RBM33: variants seen among roughly 807,000 people sequenced by gnomAD.
The protein encoded by RBM33 is RNA-binding protein 33.
Under a neutral mutation model 132.6 loss-of-function variants are expected in RBM33, and 28 were observed. The ratio of observed to expected loss-of-function variants is 0.21; its 90% confidence interval spans 0.16 to 0.29. The LOEUF (loss-of-function observed/expected upper bound fraction) is 0.29, where lower values mean the gene tolerates loss of function less well. Ranked by LOEUF, RBM33 falls within the 10% of genes least tolerant of loss-of-function variation. RBM33 has a pLI of 1.00. For synonymous variants in RBM33, 634 were observed against 593.0 expected (o/e 1.07, Z -1.01); for missense variants, 1,291 against 1,518.5 (o/e 0.85, Z 2.49).
chr7:155,720,308 G>A (rs1220760435), intron 9 of RBM33, among the ~76,000 whole-genome samples: 1 of 152,058 alleles, frequency 6.6e-6, no homozygotes, highest in Non-Finnish European at 1.5e-5. Flanking sequence ...GTGAACTTGG[G>A]GTATAGCGCG....
intron 14 of RBM33, among the ~76,000 whole-genome samples, chr7:155,750,945 T>G (rs1801670371): frequency 6.6e-6 from 1 of 152,170 alleles, no homozygotes; most frequent in Non-Finnish European, 1.5e-5. Context: ...TGTGATGCTC[T>G]TGTATTTTAT....
At position 155,738,155 on chromosome 7, in the gene RBM33, C is replaced by G; in HGVS notation, c.1489C>G (p.Pro497Ala). The change falls in exon 11 of 18, where the codon CCT (proline) becomes GCT (alanine). Residue 497 changes from proline (P) to alanine (A), a missense_variant. By Grantham distance (27) the Pro-to-Ala change is conservative (BLOSUM62 -1). This residue lies in a region of RBM33 where 841 missense variants were observed against 912.0 expected (regional missense o/e 0.92). Coordinates refer to ENST00000401878, the MANE Select transcript of RBM33 (RefSeq NM_053043.3). ...PPPTLLNSSH[P>A]VPTQSPLPFT... is the part of the protein sequence containing the mutation. ...TCCTACCCTTCTTAACAGTAGCCAT[C>G]CTGTTCCTACTCAGAGTCCTCTACC... 1.2e-6 allele frequency: 2 copies of G among 1,613,968 alleles called. No individual in the cohort carries two copies. The highest frequency in any genetic ancestry group is 1.7e-6 in the Non-Finnish European group (2 of 1,179,846).
At chr7:155,716,539 C>G (rs1459318730) in intron 8 of RBM33, among the ~76,000 whole-genome samples, 1 of 151,998 alleles carries the variant, frequency 6.6e-6, no homozygotes, top group African/African-American at 2.4e-5. Context: ...TTCCAAGTTT[C>G]TAAGTGGTAC....
At chr7:155,761,122 G>T (rs1181552712) in intron 14 of RBM33, among the ~76,000 whole-genome samples, 1 of 152,196 alleles carries the variant, frequency 6.6e-6, no homozygotes, top group East Asian at 1.9e-4. Flanking sequence ...TGGTTAACCG[G>T]GGGGGTGTTA....
chr7:155,671,488 C>G (rs1798941207), intron 2 of RBM33, among the ~76,000 whole-genome samples: 1 of 152,122 alleles, frequency 6.6e-6, no homozygotes, highest in Non-Finnish European at 1.5e-5. Flanking sequence ...AATGATTTGT[C>G]AGGTTGTTTT....
chr7:155,678,616 G>T lies in RBM33; in HGVS notation c.180G>T (p.Ser60=). 6.4e-7 allele frequency: 1 copy of T among 1,557,432 alleles called. No individual in the cohort carries two copies. Among genetic ancestry groups the T allele is most frequent in the African/African-American group, 1.4e-5 (1 of 73,424 alleles). ...EDLLSGKKNQ[S]DLSDEELNDD... is the part of the protein sequence containing the mutation. ...TTTCTTATTTTAATTAGAATCAGTC[G>T]GATTTGTCAGATGAAGAGCTAAATG... Residue 60 remains serine, a synonymous_variant, in exon 4 of 18, where the codon TCG becomes TCT. Coordinates refer to ENST00000401878, the MANE Select transcript of RBM33 (RefSeq NM_053043.3).
At chr7:155,729,784 C>G (rs1489753767) in intron 9 of RBM33, among the ~76,000 whole-genome samples, 1 of 151,540 alleles carries the variant, frequency 6.6e-6, no homozygotes, top group African/African-American at 2.4e-5. Context: ...TGTAAGAACT[C>G]AGTTCTGTTA....
chr7:155,651,444 C>T (rs1007551374), intron 1 of RBM33, among the ~76,000 whole-genome samples: 6 of 151,950 alleles, frequency 3.9e-5, no homozygotes, highest in Admixed American at 1.3e-4. Context: ...AACATTTTCT[C>T]CTCTTTGTTT....
rs1215336312 is a variant in RBM33, at chr7:155,774,195, A to G, written c.3376-364A>G. 8.5e-5 allele frequency among the ~76,000 whole-genome samples: 13 copies of G among 152,266 alleles called. No individual in the cohort carries two copies. The highest frequency in any genetic ancestry group is 3.3e-4 in the Admixed American group (5 of 15,296). On this transcript the variant is annotated intron_variant, in intron 16 of 17. Transcript: ENST00000401878. The surrounding 1 kb of genome is among the most constrained non-coding windows in gnomAD (Gnocchi z 4.2). The stretch of plus-strand genomic sequence containing the variant: ...TCTTAAAAAATTCATGGGGGTCCCT[A>G]TTAAAAATCACCTGATAAGAAGGCG...
At chr7:155,728,360 C>T (rs893946600) in intron 9 of RBM33, among the ~76,000 whole-genome samples, 8 of 152,138 alleles carry the variant, frequency 5.3e-5, no homozygotes, top group African/African-American at 1.9e-4. Flanking sequence ...TACCTCCCTC[C>T]TCACTGCCCT....
Position 155,738,158 on chromosome 7 carries a change from G to T in RBM33, c.1492G>T (p.Val498Phe). The T allele has an allele frequency of 6.2e-7, 1 of 1,613,946 alleles. No homozygotes were observed. The highest frequency in any genetic ancestry group is 8.5e-7 in the Non-Finnish European group (1 of 1,179,884). Residue 498 changes from valine to phenylalanine, a missense_variant, in exon 11 of 18, where the codon GTT becomes TTT. Around this residue, in one of 7 missense-constraint regions of RBM33, gnomAD observed 841 missense variants for 912.0 expected, o/e 0.92. Transcript: ENST00000401878. ...PPTLLNSSHP[V>F]PTQSPLPFTQ... ...TACCCTTCTTAACAGTAGCCATCCT[G>T]TTCCTACTCAGAGTCCTCTACCATT...
intron 1 of RBM33, among the ~76,000 whole-genome samples, chr7:155,645,446 C>A (rs1159716006): frequency 2.0e-5 from 3 of 152,234 alleles, no homozygotes; most frequent in African/African-American, 7.2e-5. Context: ...TTGAGAAAGT[C>A]TCAATAAATC....
intron 16 of RBM33, among the ~76,000 whole-genome samples, chr7:155,768,568 A>T (rs1802299180): frequency 1.3e-5 from 2 of 152,188 alleles, no homozygotes; most frequent in Non-Finnish European, 2.9e-5. Context: ...ACCTATATTC[A>T]TTCCTTTGGG....
intron 14 of RBM33, among the ~76,000 whole-genome samples, chr7:155,761,678 G>A (rs977932535): frequency 6.6e-6 from 1 of 151,848 alleles, no homozygotes; most frequent in Non-Finnish European, 1.5e-5. Flanking sequence ...TTTTTTCTTG[G>A]TCAGTATCCT....
At chr7:155,666,455 A>G (rs1291751569) in intron 2 of RBM33, among the ~76,000 whole-genome samples, 2 of 152,210 alleles carry the variant, frequency 1.3e-5, no homozygotes, top group East Asian at 3.9e-4. Context: ...CACAGAAATA[A>G]TATTTTGTTA....
At chr7:155,765,488 G>T (rs766671493) in intron 15 of RBM33, among the ~76,000 whole-genome samples, 1 of 152,070 alleles carries the variant, frequency 6.6e-6, no homozygotes, top group East Asian at 1.9e-4. Flanking sequence ...TTTTGTGTGC[G>T]TGCACACTCA....
chr7:155,693,893 C>G lies in RBM33; in HGVS notation c.568-6880C>G, dbSNP rs909134682. On this transcript the variant is annotated intron_variant, in intron 5 of 17. Coordinates refer to ENST00000401878, the MANE Select transcript of RBM33 (RefSeq NM_053043.3). ...CTTGTGATCCATCTTTTTTAGAAGT[C>G]TAAATAAACTGTGTAGTCCTCAGGG... 4.6e-5 allele frequency among the ~76,000 whole-genome samples: 7 copies of G among 152,244 alleles called. No homozygotes were observed. The East Asian group carries it at 1.3e-3, about 29-fold the overall frequency.
intron 1 of RBM33, among the ~76,000 whole-genome samples, chr7:155,654,004 T>G (rs1327434295): frequency 6.6e-6 from 1 of 152,220 alleles, no homozygotes; most frequent in Non-Finnish European, 1.5e-5. Context: ...TATTGCAGTA[T>G]GATTGTGCAA....
At chr7:155,688,722 C>T (rs1421359173) in intron 5 of RBM33, among the ~76,000 whole-genome samples, 1 of 152,160 alleles carries the variant, frequency 6.6e-6, no homozygotes, top group African/African-American at 2.4e-5. Flanking sequence ...TTTTCTGCAT[C>T]TGTTGAGATA....
Sources: allele counts gnomAD v4.1 joint callset (sites outside exome capture counted in the v4.1 genomes callset), GRCh38; gene constraint gnomAD v4.1.1; regional missense constraint gnomAD v4.1.1; non-coding constraint Gnocchi (gnomAD v3.1); transcripts MANE v1.5; gene names NCBI Gene and HGNC (gene_info 2026-07-23, HGNC 2026-07-21).